ROR2: variants seen among roughly 807,000 people sequenced by gnomAD.
The protein encoded by ROR2 is ROR family WNT receptor 2.
In ROR2, 33 loss-of-function variants were observed where a neutral mutation model predicts 74.9. The observed-to-expected ratio is 0.44, with a 90% CI of 0.33 to 0.59. The LOEUF is 0.59. Ranked by LOEUF, ROR2 falls within the 20% of genes least tolerant of loss-of-function variation. The probability of loss-of-function intolerance (pLI) is 0.02; values close to 1 mark genes in which losing one functional copy is unlikely to be tolerated. For missense variants in ROR2, 1,216 were observed against 1,313.8 expected (o/e 0.93, Z 1.15); for synonymous variants, 586 against 558.7 (o/e 1.05, Z -0.69).
intron 1 of ROR2, among the ~76,000 whole-genome samples, chr9:91,925,627 T>G (rs1831377313): frequency 6.6e-6 from 1 of 152,254 alleles, no homozygotes; most frequent in East Asian, 1.9e-4. Context: ...CCCAAATACA[T>G]GCACACACCT....
chr9:91,754,595 C>A (rs1207719820), intron 4 of ROR2, among the ~76,000 whole-genome samples: 1 of 152,130 alleles, frequency 6.6e-6, no homozygotes, highest in Non-Finnish European at 1.5e-5. Context: ...GCAGAGGTTG[C>A]AGTGAGCGGA....
At chr9:91,726,789 T>G (rs909912994) in intron 7 of ROR2, 46 bp from the exon 8 acceptor site, 1 of 1,593,256 alleles carries the variant, frequency 6.3e-7, no homozygotes, top group East Asian at 2.2e-5. Flanking sequence ...ACATCCCTTT[T>G]CTACTCTAAG....
intron 1 of ROR2, among the ~76,000 whole-genome samples, chr9:91,800,817 C>T (rs889799138): frequency 6.6e-6 from 1 of 152,214 alleles, no homozygotes; most frequent in African/African-American, 2.4e-5. Flanking sequence ...TTTGTGCAAA[C>T]ACACACTGGC....
chr9:91,792,592 G>A (rs551968630), intron 1 of ROR2, among the ~76,000 whole-genome samples: 2 of 152,282 alleles, frequency 1.3e-5, no homozygotes, highest in Admixed American at 1.3e-4. Flanking sequence ...ACAGGCATGA[G>A]CCATGCGCCC....
In ROR2 at chr9:91,900,210, G is replaced by A. The variant is rs1418931255; in HGVS notation, c.97+49657C>T. On this transcript the variant is annotated intron_variant, in intron 1 of 8. Transcript: ENST00000375708. The stretch of plus-strand genomic sequence containing the variant: ...AGGATGCAGCGGGTCCCCCAGGGCC[G>A]CCAGGGGGTGGGGGGCAGGGCCCCA... 3.9e-5 allele frequency among the ~76,000 whole-genome samples: 6 copies of A among 152,272 alleles called. No homozygotes were observed. In the South Asian group the frequency reaches 8.3e-4, roughly 21 times the overall value.
chr9:91,782,822 G>A (rs1424731818), intron 1 of ROR2, among the ~76,000 whole-genome samples: 1 of 152,210 alleles, frequency 6.6e-6, no homozygotes, highest in African/African-American at 2.4e-5. Flanking sequence ...GCCAGAATTT[G>A]CTTCAGAGTC....
At position 91,743,018 on chromosome 9, in the gene ROR2, T is replaced by C. The variant is rs114090135; in HGVS notation, c.495-5500A>G. Among the ~76,000 whole-genome samples the C allele has an allele frequency of 3.4e-3, 519 of 152,326 alleles. 6 individuals are homozygous for C. Among genetic ancestry groups the C allele is most frequent in the African/African-American group, 0.011 (472 of 41,578 alleles). On this transcript the variant is annotated intron_variant, in intron 4 of 8. Transcript: ENST00000375708. ...CCTAGGAGCAACAGGCTGTACCATATAGCCTAGGTGTGCAGTAGGGGAAAT... is the reference window on the plus strand; with the variant it reads ...CCTAGGAGCAACAGGCTGTACCATACAGCCTAGGTGTGCAGTAGGGGAAAT...
intron 1 of ROR2, among the ~76,000 whole-genome samples, chr9:91,860,658 C>G (rs1829443754): frequency 6.6e-6 from 1 of 152,190 alleles, no homozygotes; most frequent in Non-Finnish European, 1.5e-5. Flanking sequence ...AGTCCAAAGG[C>G]TGGAAGGCCT....
At chr9:91,915,320 T>A (rs1261789403) in intron 1 of ROR2, among the ~76,000 whole-genome samples, 1 of 152,278 alleles carries the variant, frequency 6.6e-6, no homozygotes, top group East Asian at 1.9e-4. Flanking sequence ...AAGAGGTTGG[T>A]GCATTTCCAT....
At chr9:91,824,568 A>G (rs968918370) in intron 1 of ROR2, among the ~76,000 whole-genome samples, 3 of 152,218 alleles carry the variant, frequency 2.0e-5, no homozygotes, top group African/African-American at 7.2e-5. Context: ...CCAAAAATGT[A>G]GTAGGAAACA....
chr9:91,723,626 G>C lies in ROR2; in HGVS notation c.*36C>G, dbSNP rs765371195. On this transcript the variant is annotated 3_prime_UTR_variant, in exon 9 of 9. Coordinates refer to ENST00000375708, the MANE Select transcript of ROR2 (RefSeq NM_004560.4). Reference sequence around the variant, plus strand: ...CTGAGGTCCCTGTGGGGTCTCGGCGGGGCTTCTATCCCCGAACCCCGGGCC... The same window carrying C: ...CTGAGGTCCCTGTGGGGTCTCGGCGCGGCTTCTATCCCCGAACCCCGGGCC... 4 of 1,609,536 alleles carry C rather than the reference G, an allele frequency of 2.5e-6. No homozygotes were observed. Among genetic ancestry groups the C allele is most frequent in the East Asian group, 2.2e-5 (1 of 44,868 alleles).
intron 2 of ROR2, among the ~76,000 whole-genome samples, chr9:91,774,041 CA>C (rs1340103519): frequency 1.3e-5 from 2 of 152,356 alleles, no homozygotes; most frequent in African/African-American, 4.8e-5. Flanking sequence ...GCTATGGGGA[CA>C]ATCAGTAAGT....
At chr9:91,913,390 T>C (rs1207121769) in intron 1 of ROR2, among the ~76,000 whole-genome samples, 7 of 152,230 alleles carry the variant, frequency 4.6e-5, no homozygotes, top group Admixed American at 4.6e-4. Flanking sequence ...TTTTTCTCTC[T>C]TTGTTCCAGA....
intron 1 of ROR2, among the ~76,000 whole-genome samples, chr9:91,902,832 G>A (rs1830710313): frequency 6.6e-6 from 1 of 152,214 alleles, no homozygotes; most frequent in African/African-American, 2.4e-5. Flanking sequence ...TCGAAGGCAT[G>A]CTAAGGGAAC....
chr9:91,737,263 C>T (rs1825062148), intron 5 of ROR2, 128 bp downstream of exon 5: 1 of 1,236,718 alleles, frequency 8.1e-7, no homozygotes, highest in African/African-American at 1.5e-5. Flanking sequence ...CTGGTTTCTA[C>T]CACAAATGAA....
intron 1 of ROR2, among the ~76,000 whole-genome samples, chr9:91,924,285 A>C (rs774362122): frequency 2.0e-5 from 3 of 152,188 alleles, no homozygotes; most frequent in Non-Finnish European, 4.4e-5. Flanking sequence ...CTGCCCGGCC[A>C]TCCCTCCTAG....
chr9:91,899,807 C>A (rs1830626390), intron 1 of ROR2, among the ~76,000 whole-genome samples: 1 of 152,128 alleles, frequency 6.6e-6, no homozygotes, highest in Non-Finnish European at 1.5e-5. Flanking sequence ...CATGCACTCA[C>A]ACGTACGCAC....
intron 1 of ROR2, among the ~76,000 whole-genome samples, chr9:91,811,281 A>ACGGGAACCACGGGGGAGCG (rs1407587172): frequency 6.6e-6 from 1 of 152,218 alleles, no homozygotes; most frequent in Non-Finnish European, 1.5e-5. Context: ...CCCAGACTGC[A>ACGGGAACCACGGGGGAGCG]CGGGAACCAC....
chr9:91,933,468 G>T (rs932894863), intron 1 of ROR2, among the ~76,000 whole-genome samples: 1 of 152,132 alleles, frequency 6.6e-6, no homozygotes, highest in African/African-American at 2.4e-5. Context: ...GGAGACCAGG[G>T]AAATAAATTC....
Sources: allele counts gnomAD v4.1 joint callset (sites outside exome capture counted in the v4.1 genomes callset), GRCh38; gene constraint gnomAD v4.1.1; transcripts MANE v1.5; gene names NCBI Gene and HGNC (gene_info 2026-07-23, HGNC 2026-07-21).